Variants in RAI1 observed in about 807,000 individuals in gnomAD.
RAI1 encodes the protein retinoic acid-induced protein 1.
A neutral mutation model predicts 123.8 loss-of-function variants in RAI1; 9 were observed. The ratio of observed to expected loss-of-function variants is 0.07; its 90% CI spans 0.04 to 0.13. The LOEUF is 0.13. RAI1 is among the 10% of genes least tolerant of loss of function. The pLI is 1.00. For synonymous variants in RAI1, 1,231 were observed against 1,127.3 expected, an observed-to-expected ratio of 1.09 and a Z score of -1.84; for missense variants, 2,256 against 2,545.8, an observed-to-expected ratio of 0.89 and a Z score of 2.45.
intron 2 of RAI1, among the ~76,000 whole-genome samples, chr17:17,773,873 A>ATAATAGGCACATAAT: frequency 6.6e-6 from 1 of 152,362 alleles, no homozygotes; most frequent in South Asian, 2.1e-4. Context: ...GCCATGAGTT[A>ATAATAGGCACATAAT]TAATAGGCAC....
At chr17:17,716,098 A>C (rs935786001) in intron 1 of RAI1, among the ~76,000 whole-genome samples, 1 of 152,228 alleles carries the variant, frequency 6.6e-6, no homozygotes, top group African/African-American at 2.4e-5. Context: ...CAGTCGGGAC[A>C]AAGTCAGGGG....
chr17:17,786,207 C>A (rs2031821777), intron 2 of RAI1, among the ~76,000 whole-genome samples: 1 of 152,154 alleles, frequency 6.6e-6, no homozygotes, highest in African/African-American at 2.4e-5. Context: ...GGAAGATGTT[C>A]TTTGTCAAAT....
At chr17:17,754,189 A>G (rs11651378) in intron 2 of RAI1, among the ~76,000 whole-genome samples, 10,741 of 118,902 alleles carry the variant, frequency 0.09, 819 homozygotes, top group African/African-American at 0.2. Context: ...GCCTAACCCA[A>G]TCTTTTTTTT....
At chr17:17,700,560 C>T (rs948735727) in intron 1 of RAI1, among the ~76,000 whole-genome samples, 10 of 152,210 alleles carry the variant, frequency 6.6e-5, no homozygotes, top group African/African-American at 2.4e-4. Context: ...GAGGCGCGGC[C>T]GGCCGCGGAA....
At chr17:17,749,848 C>T (rs2030085610) in intron 2 of RAI1, among the ~76,000 whole-genome samples, 1 of 152,226 alleles carries the variant, frequency 6.6e-6, no homozygotes, top group Non-Finnish European at 1.5e-5. Context: ...GGGCATGTAG[C>T]TCCACTAGGG....
intron 1 of RAI1, among the ~76,000 whole-genome samples, chr17:17,686,403 C>T (rs1368522385): frequency 6.6e-6 from 1 of 151,982 alleles, no homozygotes; most frequent in Non-Finnish European, 1.5e-5. Flanking sequence ...ATCCTGTTCC[C>T]CAGTGATTGA....
intron 3 of RAI1, 130 bp downstream of exon 3, chr17:17,798,643 C>T: frequency 6.9e-7 from 1 of 1,459,548 alleles, no homozygotes; most frequent in Admixed American, 2.0e-5. Context: ...GGACAATCTG[C>T]AGAGTCCTGA....
chr17:17,691,152 C>T (rs1289140802), intron 1 of RAI1, among the ~76,000 whole-genome samples: 5 of 152,240 alleles, frequency 3.3e-5, no homozygotes, highest in Admixed American at 6.5e-5. Context: ...GGGTCTCATT[C>T]GGGGGCGATC....
At chr17:17,744,155 C>T (rs1916733476) in intron 2 of RAI1, among the ~76,000 whole-genome samples, 1 of 152,194 alleles carries the variant, frequency 6.6e-6, no homozygotes, top group Admixed American at 6.5e-5. Context: ...ACCTAGGACT[C>T]CCTGTGGGAT....
chr17:17,695,057 CGGCAG>C (rs1472987657), intron 1 of RAI1, among the ~76,000 whole-genome samples: 1 of 152,150 alleles, frequency 6.6e-6, no homozygotes, highest in Non-Finnish European at 1.5e-5. Context: ...GGCAACCCCA[CGGCAG>C]GGGCCTCGGG....
At chr17:17,761,343 T>C (rs1419018429) in intron 2 of RAI1, among the ~76,000 whole-genome samples, 1 of 152,072 alleles carries the variant, frequency 6.6e-6, no homozygotes, top group African/African-American at 2.4e-5. Flanking sequence ...AGCCACCAGA[T>C]TGAGCCTCTG....
intron 1 of RAI1, among the ~76,000 whole-genome samples, chr17:17,696,026 G>A (rs146686960): frequency 9.8e-5 from 15 of 152,346 alleles, no homozygotes; most frequent in Admixed American, 8.5e-4. Context: ...TGCAGCAGAA[G>A]AGACTCAGGG....
At chr17:17,778,813 T>G (rs758789887) in intron 2 of RAI1, 13 of 456,602 alleles carry the variant, frequency 2.8e-5, no homozygotes, top group Non-Finnish European at 4.8e-5. Context: ...AAGCTAGCTA[T>G]GTACAGCTGG....
chr17:17,687,213 G>A (rs1039821876), intron 1 of RAI1, among the ~76,000 whole-genome samples: 1 of 152,196 alleles, frequency 6.6e-6, no homozygotes, highest in Non-Finnish European at 1.5e-5. Context: ...AGAATGCTGT[G>A]CAGAGGCAGG....
Position 17,796,192 on chromosome 17 carries a change from G to T in RAI1, c.3244G>T (p.Asp1082Tyr). The T allele has an allele frequency of 6.4e-7, 1 of 1,554,590 alleles. No individual in the cohort carries two copies. Among genetic ancestry groups the T allele is most frequent in the Non-Finnish European group, 8.7e-7 (1 of 1,149,892 alleles). ...CCTGACCACCACCCCTGCACCCCCA[G>T]ACAAACTGGGGGGCAAGCAGCGAGC... The part of the protein sequence containing the change: ...PGLTTTPAPP[D>Y]KLGGKQRAAF... Residue 1082 changes from aspartate (D) to tyrosine (Y), a missense_variant, in exon 3 of 6, where the codon GAC becomes TAC. Around this residue, in one of 7 missense-constraint regions of RAI1, gnomAD observed 566 missense variants for 616.0 expected, o/e 0.92. Coordinates refer to ENST00000353383, the MANE Select transcript of RAI1 (RefSeq NM_030665.4). This position sits in a 1 kb window ranked among gnomAD's most constrained non-coding sequence, Gnocchi z 5.8.
At chr17:17,687,174 G>C (rs1362461909) in intron 1 of RAI1, among the ~76,000 whole-genome samples, 1 of 152,152 alleles carries the variant, frequency 6.6e-6, no homozygotes, top group Non-Finnish European at 1.5e-5. Context: ...TCTGCACAAA[G>C]TGATCAGGCT....
In RAI1 at chr17:17,797,376, T is replaced by C; in HGVS notation, c.4428T>C (p.Thr1476=). ...ATCTTGGCCCGGCTCTGCTCCTGAC[T>C]CCCCGAGACAGGGCCAGTGGCACAC... The part of the protein sequence containing the change: ...RPYLGPALLL[T]PRDRASGTQG... Residue 1476 remains threonine, a synonymous_variant, in exon 3 of 6, where the codon ACT becomes ACC. Transcript: ENST00000353383. 1 of 1,612,166 alleles carries C rather than the reference T, an allele frequency of 6.2e-7. No homozygotes were observed. The highest frequency in any genetic ancestry group is 8.5e-7 in the Non-Finnish European group (1 of 1,179,664).
At chr17:17,782,532 GC>G (rs530697361) in intron 2 of RAI1, among the ~76,000 whole-genome samples, 1 of 147,334 alleles carries the variant, frequency 6.8e-6, no homozygotes. Context: ...TCTGGCAGTG[GC>G]CCCCCGCCCG....
At chr17:17,791,266 C>T (rs1218950383) in intron 2 of RAI1, among the ~76,000 whole-genome samples, 1 of 152,216 alleles carries the variant, frequency 6.6e-6, no homozygotes, top group Non-Finnish European at 1.5e-5. Flanking sequence ...CTGGGCTTGC[C>T]CTGCTCTCAG....
Sources: allele counts gnomAD v4.1 joint callset (sites outside exome capture counted in the v4.1 genomes callset), GRCh38; gene constraint gnomAD v4.1.1; regional missense constraint gnomAD v4.1.1; non-coding constraint Gnocchi (gnomAD v3.1); transcripts MANE v1.5; gene names NCBI Gene and HGNC (gene_info 2026-07-23, HGNC 2026-07-21).